The following GRIK1 variants were observed in gnomAD, a reference collection of about 807,000 sequenced individuals.
The protein encoded by GRIK1 is glutamate ionotropic receptor kainate type subunit 1, also known as glutamate receptor ionotropic, kainate 1.
A neutral mutation model predicts 105.7 loss-of-function variants in GRIK1; 69 were observed. That is an observed-to-expected ratio of 0.65 (90% CI 0.54 to 0.80). The LOEUF (loss-of-function observed/expected upper bound fraction) is 0.80. Among genes scored for constraint, GRIK1 ranks in the 30% least tolerant of loss-of-function variants. The probability of loss-of-function intolerance (pLI) is 0.00; values close to 1 mark genes in which losing one functional copy is unlikely to be tolerated. For synonymous variants in GRIK1, 438 were observed against 431.3 expected, an observed-to-expected ratio of 1.02 and a Z score of -0.19; for missense variants, 1,109 against 1,167.3, an observed-to-expected ratio of 0.95 and a Z score of 0.73.
intron 3 of GRIK1, among the ~76,000 whole-genome samples, chr21:29,675,790 C>G (rs1213258240): frequency 1.3e-5 from 2 of 152,044 alleles, no homozygotes; most frequent in African/African-American, 4.8e-5. Flanking sequence ...GTAACTTGCT[C>G]AAGGTTATAT....
intron 1 of GRIK1, among the ~76,000 whole-genome samples, chr21:29,794,570 A>T (rs2066506002): frequency 6.6e-6 from 1 of 152,198 alleles, no homozygotes; most frequent in Admixed American, 6.5e-5. Flanking sequence ...TTCCTTGTGG[A>T]TCTGTGAGTT....
chr21:29,698,808 T>C (rs2063760206), intron 1 of GRIK1, among the ~76,000 whole-genome samples: 1 of 152,196 alleles, frequency 6.6e-6, no homozygotes, highest in Admixed American at 6.5e-5. Context: ...GGTTGGAAAG[T>C]GAAAGAAGTT....
intron 14 of GRIK1, among the ~76,000 whole-genome samples, chr21:29,566,858 G>T (rs546838316): frequency 6.6e-6 from 1 of 152,030 alleles, no homozygotes; most frequent in Non-Finnish European, 1.5e-5. Context: ...TGGTTCCAGG[G>T]TCTGTGTTCT....
intron 4 of GRIK1, among the ~76,000 whole-genome samples, chr21:29,670,303 A>G (rs531987882): frequency 1.3e-5 from 2 of 152,302 alleles, no homozygotes; most frequent in African/African-American, 4.8e-5. Context: ...TAGAGAGAAA[A>G]ATGTCTGTGT....
At position 29,918,943 on chromosome 21, in the gene GRIK1, A is replaced by G. The variant is rs76269751; in HGVS notation, c.118+20440T>C. Among the ~76,000 whole-genome samples, 3 of 152,068 alleles carry G rather than the reference A, an allele frequency of 2.0e-5. No homozygotes were observed. In the East Asian group the frequency reaches 5.8e-4, roughly 29 times the overall value. ...ACTGTAAGAGTATTTGGAGAAGGTG[A>G]TAAGTGTACAACAGGCGAAGGGGAA... On this transcript the variant is annotated intron_variant, in intron 1 of 17. Transcript: ENST00000327783.
At chr21:29,754,658 C>T (rs1048172386) in intron 1 of GRIK1, among the ~76,000 whole-genome samples, 1 of 152,196 alleles carries the variant, frequency 6.6e-6, no homozygotes, top group Non-Finnish European at 1.5e-5. Context: ...AAGCACTAAC[C>T]TGGGTGTTGC....
intron 7 of GRIK1, among the ~76,000 whole-genome samples, chr21:29,631,100 AC>A (rs1424416677): frequency 6.6e-6 from 1 of 152,074 alleles, no homozygotes; most frequent in African/African-American, 2.4e-5. Flanking sequence ...GAGCTACTGC[AC>A]CTAGCCAGTT....
intron 11 of GRIK1, among the ~76,000 whole-genome samples, chr21:29,588,160 G>A (rs2091175418): frequency 6.6e-6 from 1 of 151,470 alleles, no homozygotes; most frequent in African/African-American, 2.4e-5. Context: ...ATTTTTAGTA[G>A]AGGCGGGGTT....
chr21:29,678,981 T>G (rs1220509580), intron 3 of GRIK1, among the ~76,000 whole-genome samples: 1 of 152,228 alleles, frequency 6.6e-6, no homozygotes, highest in Non-Finnish European at 1.5e-5. Flanking sequence ...TGGAAGGAAC[T>G]ATGACAGATA....
chr21:29,852,342 C>T (rs1012200960), intron 1 of GRIK1, among the ~76,000 whole-genome samples: 2 of 152,164 alleles, frequency 1.3e-5, no homozygotes, highest in Non-Finnish European at 1.5e-5. Flanking sequence ...GGCACCTCTA[C>T]CCACTGTTCC....
intron 1 of GRIK1, among the ~76,000 whole-genome samples, chr21:29,757,828 C>A (rs1271765098): frequency 6.6e-6 from 1 of 152,150 alleles, no homozygotes; most frequent in Non-Finnish European, 1.5e-5. Context: ...CCAATACTAC[C>A]CCTTCCTCAG....
At chr21:29,883,593 G>A (rs924271615) in intron 1 of GRIK1, among the ~76,000 whole-genome samples, 10 of 151,940 alleles carry the variant, frequency 6.6e-5, no homozygotes, top group Middle Eastern at 3.2e-3. Context: ...TTCCAAATCA[G>A]GATCTTCTGT....
intron 1 of GRIK1, among the ~76,000 whole-genome samples, chr21:29,841,463 GAAGTT>G (rs1485133615): frequency 1.3e-5 from 2 of 152,136 alleles, no homozygotes; most frequent in Non-Finnish European, 2.9e-5. Context: ...TACATTCTAA[GAAGTT>G]AAGTAGTTAT....
At chr21:29,915,926 A>G (rs1294444413) in intron 1 of GRIK1, among the ~76,000 whole-genome samples, 1 of 152,010 alleles carries the variant, frequency 6.6e-6, no homozygotes, top group African/African-American at 2.4e-5. Flanking sequence ...TTCAGAGAGA[A>G]AGAAAACACT....
intron 1 of GRIK1, among the ~76,000 whole-genome samples, chr21:29,784,524 T>A (rs1238616017): frequency 3.3e-5 from 5 of 152,096 alleles, no homozygotes; most frequent in African/African-American, 1.2e-4. Context: ...TTTAAAAAAA[T>A]ATCACATTAT....
chr21:29,585,141 A>G (rs1336652713), intron 12 of GRIK1, among the ~76,000 whole-genome samples: 1 of 152,172 alleles, frequency 6.6e-6, no homozygotes, highest in African/African-American at 2.4e-5. Flanking sequence ...AGAATAAGCT[A>G]AATAAGGGAG....
intron 1 of GRIK1, among the ~76,000 whole-genome samples, chr21:29,704,976 C>T (rs2063876859): frequency 1.3e-5 from 2 of 152,204 alleles, no homozygotes; most frequent in Admixed American, 1.3e-4. Context: ...TAGCTTTTAA[C>T]ATCTCATTTA....
At position 29,537,323 on chromosome 21, in the gene GRIK1, T is replaced by C; in HGVS notation, c.2757A>G (p.Ile919Met). The C allele has an allele frequency of 6.2e-7, 1 of 1,611,612 alleles. No homozygotes were observed. The highest frequency in any genetic ancestry group is 8.5e-7 in the Non-Finnish European group (1 of 1,178,166). ...TCCCCTTAGTTCTTGACTTTTTCTT[T>C]ATTTTTTTCTGATTCTTCAGTGAGA... Reference protein sequence around the residue: ...LGISLKNQKKIKKKSRTKGKS... With the variant: ...LGISLKNQKKMKKKSRTKGKS... Residue 919 changes from isoleucine (I) to methionine (M), a missense_variant, in exon 18 of 18, where the codon ATA becomes ATG. Coordinates refer to ENST00000327783, the MANE Select transcript of GRIK1 (RefSeq NM_001330994.2).
At chr21:29,813,536 T>A (rs1239607035) in intron 1 of GRIK1, among the ~76,000 whole-genome samples, 1 of 152,182 alleles carries the variant, frequency 6.6e-6, no homozygotes, top group Non-Finnish European at 1.5e-5. Flanking sequence ...TGTATCAATA[T>A]AGAACATTAA....
Sources: gnomAD v4.1 joint callset for allele counts (sites outside exome capture counted in the v4.1 genomes callset) on GRCh38, gnomAD v4.1.1 for gene constraint, MANE v1.5 for transcripts, NCBI Gene and HGNC (gene_info 2026-07-23, HGNC 2026-07-21) for gene names.